PLB1: variants seen among roughly 807,000 people sequenced by gnomAD.
PLB1 encodes the protein phospholipase B1, membrane-associated.
Under a neutral mutation model 227.4 loss-of-function variants are expected in PLB1, and 242 were observed. The observed-to-expected ratio is 1.06, with a 90% confidence interval of 0.96 to 1.18. The LOEUF is 1.18. Ranked by LOEUF, PLB1 falls within the 50% of genes most tolerant of loss-of-function variation. PLB1 has a pLI of 0.00. For synonymous variants in PLB1, 757 were observed against 682.2 expected, an observed-to-expected ratio of 1.11 and a Z score of -1.71; for missense variants, 1,858 against 1,816.3, an observed-to-expected ratio of 1.02 and a Z score of -0.42.
chr2:28,615,197 G>T (rs547418564), intron 44 of PLB1, among the ~76,000 whole-genome samples: 1 of 152,256 alleles, frequency 6.6e-6, no homozygotes, highest in Admixed American at 6.5e-5. Context: ...GGTGTATTTG[G>T]GGAAGAGAAA....
At position 28,496,129 on chromosome 2, in the gene PLB1, A is replaced by G; in HGVS notation, c.15A>G (p.Pro5=). 6.2e-7 allele frequency: 1 copy of G among 1,614,102 alleles called. No individual in the cohort carries two copies. The highest frequency in any genetic ancestry group is 8.5e-7 in the Non-Finnish European group (1 of 1,180,012). ...AGCATTCTGGCATGGGGCTGCGGCC[A>G]GGCATTTTCCTCCTGGAGCTGCTGC... MGLR[P]GIFLLELLLL... Residue 5 remains proline (P), a synonymous_variant, in exon 1 of 58, where the codon CCA becomes CCG. Coordinates refer to ENST00000327757, the MANE Select transcript of PLB1 (RefSeq NM_153021.5).
chr2:28,631,112 C>T (rs1375108326), intron 54 of PLB1, among the ~76,000 whole-genome samples: 1 of 151,362 alleles, frequency 6.6e-6, no homozygotes, highest in Non-Finnish European at 1.5e-5. Flanking sequence ...TATGATGATG[C>T]CATTGTACTC....
At chr2:28,640,239 T>C (rs1028968683) in intron 56 of PLB1, among the ~76,000 whole-genome samples, 3 of 152,170 alleles carry the variant, frequency 2.0e-5, no homozygotes, top group Non-Finnish European at 4.4e-5. Flanking sequence ...CTCATTCTTC[T>C]CAGTGCTGGC....
rs201641733 is a variant in PLB1, at chr2:28,563,099, G to C, written c.1206G>C (p.Thr402=). 6.2e-7 allele frequency: 1 copy of C among 1,612,080 alleles called. No individual in the cohort carries two copies. Among genetic ancestry groups the C allele is most frequent in the Admixed American group, 1.7e-5 (1 of 60,000 alleles). ...TTGGAGCCCTGGGTGACTCTCTCAC[G>C]GTAAGTGACCCTGATGCAGAAGGGG... ...NVIGALGDSL[T]AGNGAGSTPG... The change falls in exon 18 of 58, where the codon ACG becomes ACC. Residue 402 remains threonine (T), a splice_region_variant and synonymous_variant. Transcript: ENST00000327757.
At chr2:28,624,981 C>T (rs1687540828) in intron 49 of PLB1, 76 bp from the exon 50 acceptor site, 1 of 1,402,478 alleles carries the variant, frequency 7.1e-7, no homozygotes, top group Non-Finnish European at 1.0e-6. Flanking sequence ...CACCTCTCTT[C>T]CTAGGCCAAA....
chr2:28,603,131 A>C (rs1053284445), intron 39 of PLB1, among the ~76,000 whole-genome samples: 3 of 152,208 alleles, frequency 2.0e-5, no homozygotes, highest in African/African-American at 7.2e-5. Flanking sequence ...AGGAACTTCT[A>C]TGATACCAGG....
At chr2:28,631,654 T>A (rs895603780) in intron 54 of PLB1, among the ~76,000 whole-genome samples, 1 of 152,206 alleles carries the variant, frequency 6.6e-6, no homozygotes, top group African/African-American at 2.4e-5. Context: ...CAGCCCCATG[T>A]TCTAATTGAC....
intron 15 of PLB1, 130 bp downstream of exon 15, chr2:28,549,061 C>G: frequency 1.3e-6 from 1 of 780,202 alleles, no homozygotes; most frequent in Admixed American, 2.2e-5. Flanking sequence ...TGGGCCTGCA[C>G]ACAGTTTTGC....
intron 15 of PLB1, 93 bp from the exon 16 acceptor site, chr2:28,549,917 G>C (rs1380419654): frequency 6.6e-6 from 7 of 1,055,898 alleles, no homozygotes; most frequent in Non-Finnish European, 1.0e-5. Context: ...AATGTTCCTA[G>C]TTGGCCAAAA....
At chr2:28,628,049 A>G (rs1262259132) in intron 51 of PLB1, among the ~76,000 whole-genome samples, 1 of 152,166 alleles carries the variant, frequency 6.6e-6, no homozygotes, top group African/African-American at 2.4e-5. Context: ...CTGTGGACAC[A>G]CCTCTAAATC....
intron 41 of PLB1, among the ~76,000 whole-genome samples, 196 bp downstream of exon 41, chr2:28,604,955 C>T (rs967157937): frequency 1.3e-5 from 2 of 152,226 alleles, no homozygotes; most frequent in African/African-American, 4.8e-5. Flanking sequence ...GTAACAGCCT[C>T]CATTGTGTTG....
chr2:28,509,206 G>A (rs1667962485), intron 1 of PLB1, among the ~76,000 whole-genome samples: 1 of 152,136 alleles, frequency 6.6e-6, no homozygotes, highest in Non-Finnish European at 1.5e-5. Flanking sequence ...GAACATCAAG[G>A]AAATCCATAA....
rs138141579 is a variant in PLB1 at position 28,635,059 on chromosome 2, C to T, written c.4098+2020C>T. Among the ~76,000 whole-genome samples the T allele has an allele frequency of 3.4e-3, 522 of 152,206 alleles. 2 individuals carry two copies. Among genetic ancestry groups the T allele is most frequent in the African/African-American group, 0.012 (485 of 41,540 alleles). ...AGATATGAAAACAAAACGTAAACAC[C>T]GCACTGGAGCTATTGTGGAAACAAA... On this transcript the variant is annotated intron_variant, in intron 56 of 57. Transcript: ENST00000327757.
chr2:28,615,661 G>A (rs1414876137), intron 44 of PLB1, among the ~76,000 whole-genome samples: 7 of 152,182 alleles, frequency 4.6e-5, no homozygotes, highest in Non-Finnish European at 7.3e-5. Flanking sequence ...GAATTGAAAT[G>A]TCAGCTGCAT....
chr2:28,581,291 A>G (rs918343591), intron 23 of PLB1, among the ~76,000 whole-genome samples: 9 of 151,812 alleles, frequency 5.9e-5, no homozygotes, highest in African/African-American at 1.9e-4. Flanking sequence ...GCTTTCATAC[A>G]TGTAGGGTGT....
At position 28,542,975 on chromosome 2, in the gene PLB1, C is replaced by T. The variant is rs556530830; in HGVS notation, c.880-237C>T. ...CTGTTTAGTTCAGTGACAGAGAACC[C>T]CATGATGACATGGAGCTGCCTGACG... On this transcript the variant is annotated intron_variant, in intron 13 of 57. Coordinates refer to ENST00000327757, the MANE Select transcript of PLB1 (RefSeq NM_153021.5). 3.9e-5 allele frequency among the ~76,000 whole-genome samples: 6 copies of T among 152,296 alleles called. No homozygotes were observed. The South Asian group carries it at 1.2e-3, about 32-fold the overall frequency.
At chr2:28,504,085 T>C (rs1010484451) in intron 1 of PLB1, among the ~76,000 whole-genome samples, 4 of 152,216 alleles carry the variant, frequency 2.6e-5, no homozygotes, top group African/African-American at 9.6e-5. Context: ...TTTTGAAAAA[T>C]TCTCAACCAG....
intron 51 of PLB1, 86 bp downstream of exon 51, chr2:28,626,594 CCCCGAGCTCCTTGCT>C (rs55764425): frequency 0.27 from 335,474 of 1,248,562 alleles, 44,598 homozygotes; most frequent in East Asian, 0.32. Flanking sequence ...CCTGGCCCTG[CCCCGAGCTCCTTGCT>C]CATGGGAACC....
At chr2:28,541,185 T>TAAAA (rs1553414256) in intron 12 of PLB1, among the ~76,000 whole-genome samples, 2 of 149,994 alleles carry the variant, frequency 1.3e-5, no homozygotes, top group East Asian at 2.0e-4. Flanking sequence ...AATAAATAAA[T>TAAAA]TAAATAAATA....
Sources: gnomAD v4.1 joint callset for allele counts (sites outside exome capture counted in the v4.1 genomes callset) on GRCh38, gnomAD v4.1.1 for gene constraint, MANE v1.5 for transcripts, NCBI Gene and HGNC (gene_info 2026-07-23, HGNC 2026-07-21) for gene names.